UBE2QL1: variants seen among roughly 807,000 people sequenced by gnomAD.
UBE2QL1 encodes the protein ubiquitin-conjugating enzyme E2Q-like protein 1.
Under a neutral mutation model 12.6 loss-of-function variants are expected in UBE2QL1, and 5 were observed. The ratio of observed to expected loss-of-function variants is 0.40; its 90% CI spans 0.21 to 0.83. The LOEUF (loss-of-function observed/expected upper bound fraction) is 0.83, where lower values mean the gene tolerates loss of function less well. Among genes scored for constraint, UBE2QL1 ranks in the 40% least tolerant of loss-of-function variants. The pLI is 0.37. For synonymous variants in UBE2QL1, 96 were observed against 94.5 expected (o/e 1.02, Z -0.10); for missense variants, 99 against 222.6 (o/e 0.44, Z 3.53).
At chr5:6,488,489 G>T (rs1734506551) in intron 1 of UBE2QL1, among the ~76,000 whole-genome samples, 1 of 151,610 alleles carries the variant, frequency 6.6e-6, no homozygotes, top group African/African-American at 2.4e-5. Context: ...CTTGATATTT[G>T]CTGTCACTTG....
rs190284270 is a variant in UBE2QL1 at position 6,494,116 on chromosome 5, A to T, written c.*2767A>T. On this transcript the variant is annotated 3_prime_UTR_variant, in exon 2 of 2. Coordinates refer to ENST00000399816, the MANE Select transcript of UBE2QL1 (RefSeq NM_001145161.3). ...CAAACAAACAGAAAATCACAAACCCATCTGTCCTCTTCTCAATGCAGAACT... is the reference window on the plus strand; with the variant it reads ...CAAACAAACAGAAAATCACAAACCCTTCTGTCCTCTTCTCAATGCAGAACT... The T allele has an allele frequency of 1.5e-4, 23 of 152,218 alleles. No individual in the cohort carries two copies. Among genetic ancestry groups the T allele is most frequent in the African/African-American group, 5.5e-4 (23 of 41,524 alleles). The allele number at this position is 152,218 out of a possible 1,614,324, so 9.4% of individuals were successfully genotyped here.
At chr5:6,457,372 A>G (rs1456403808) in intron 1 of UBE2QL1, among the ~76,000 whole-genome samples, 1 of 152,098 alleles carries the variant, frequency 6.6e-6, no homozygotes, top group Non-Finnish European at 1.5e-5. Flanking sequence ...ACTGCAGAGG[A>G]GGAAGCTCGG....
In UBE2QL1 at chr5:6,456,585, C is replaced by T. The variant is rs188211416; in HGVS notation, c.354+7338C>T. ...AGGTTTAATTGTTCAGTTATTTTCT[C>T]ATTGTTACACACATCATTCATTCAT... On this transcript the variant is annotated intron_variant, in intron 1 of 1. Transcript: ENST00000399816. Among the ~76,000 whole-genome samples the T allele has an allele frequency of 2.0e-5, 3 of 152,300 alleles. No homozygotes were observed. In the East Asian group the frequency reaches 5.8e-4, roughly 29 times the overall value.
At chr5:6,462,415 A>C (rs1001493818) in intron 1 of UBE2QL1, among the ~76,000 whole-genome samples, 1 of 152,130 alleles carries the variant, frequency 6.6e-6, no homozygotes. Flanking sequence ...CAACAGAGGG[A>C]TCCTGGACTG....
In UBE2QL1 at chr5:6,478,160, A is replaced by G. The variant is rs1215209509; in HGVS notation, c.355-13058A>G. 6.6e-6 allele frequency among the ~76,000 whole-genome samples: 1 copy of G among 152,264 alleles called. No individual in the cohort carries two copies. On this transcript the variant is annotated intron_variant, in intron 1 of 1. Coordinates refer to ENST00000399816, the MANE Select transcript of UBE2QL1 (RefSeq NM_001145161.3). The surrounding 1 kb of genome is among the most constrained non-coding windows in gnomAD (Gnocchi z 4.5). ...TATCTTTTATAGAGTTTGTGCCCAGATCATATTTTCACACGGAAATTTTAC... is the reference window on the plus strand; with the variant it reads ...TATCTTTTATAGAGTTTGTGCCCAGGTCATATTTTCACACGGAAATTTTAC...
chr5:6,468,815 G>A (rs1442067758), intron 1 of UBE2QL1, among the ~76,000 whole-genome samples: 1 of 152,162 alleles, frequency 6.6e-6, no homozygotes, highest in African/African-American at 2.4e-5. Context: ...GTGCTTGTTT[G>A]GGGGATACAC....
intron 1 of UBE2QL1, among the ~76,000 whole-genome samples, chr5:6,488,245 T>C (rs1242373582): frequency 2.6e-5 from 4 of 152,230 alleles, no homozygotes; most frequent in South Asian, 4.1e-4. Context: ...GGTCTGTTCC[T>C]CTGGGGTTTT....
intron 1 of UBE2QL1, among the ~76,000 whole-genome samples, chr5:6,469,283 C>T (rs1201569573): frequency 6.6e-6 from 1 of 152,112 alleles, no homozygotes; most frequent in Non-Finnish European, 1.5e-5. Context: ...CAATCCATTC[C>T]AGATGCTTCA....
At chr5:6,451,217 A>T (rs1001239943) in intron 1 of UBE2QL1, among the ~76,000 whole-genome samples, 2 of 148,838 alleles carry the variant, frequency 1.3e-5, no homozygotes, top group African/African-American at 5.0e-5. Context: ...GAAAGATGCG[A>T]GAAAACAAAG....
chr5:6,487,571 G>T (rs1237205941), intron 1 of UBE2QL1, among the ~76,000 whole-genome samples: 1 of 149,642 alleles, frequency 6.7e-6, no homozygotes, highest in Non-Finnish European at 1.5e-5. Context: ...AGATATTTTA[G>T]AAGAAATGAG....
intron 1 of UBE2QL1, among the ~76,000 whole-genome samples, chr5:6,463,485 G>A (rs1204846850): frequency 6.6e-6 from 1 of 151,922 alleles, no homozygotes; most frequent in Non-Finnish European, 1.5e-5. Flanking sequence ...GACTGCAAAC[G>A]CCCTTGATTT....
chr5:6,495,652 T>C lies in UBE2QL1; in HGVS notation c.*4303T>C, dbSNP rs1734654308. On this transcript the variant is annotated 3_prime_UTR_variant, in exon 2 of 2. Coordinates refer to ENST00000399816, the MANE Select transcript of UBE2QL1 (RefSeq NM_001145161.3). The stretch of plus-strand genomic sequence containing the variant: ...AGCTGAGAAACACCCACAGGATCCA[T>C]TCTGTGCCCAAAGCAAATTGGAGCA... Among the ~76,000 whole-genome samples, 1 of 152,180 alleles carries C rather than the reference T, an allele frequency of 6.6e-6. No individual in the cohort carries two copies. The highest frequency in any genetic ancestry group is 1.5e-5 in the Non-Finnish European group (1 of 68,030).
chr5:6,467,155 G>A (rs568802275), intron 1 of UBE2QL1, among the ~76,000 whole-genome samples: 52 of 151,960 alleles, frequency 3.4e-4, no homozygotes, highest in South Asian at 1.3e-3. Context: ...CAATCTCTCT[G>A]TCTCTCTCTG....
At chr5:6,475,454 C>T in intron 1 of UBE2QL1, among the ~76,000 whole-genome samples, 1 of 152,130 alleles carries the variant, frequency 6.6e-6, no homozygotes, top group South Asian at 2.1e-4. Flanking sequence ...TATCTTTGTC[C>T]CCTATTTCCT....
intron 1 of UBE2QL1, among the ~76,000 whole-genome samples, chr5:6,451,883 A>G (rs180967307): frequency 6.6e-6 from 1 of 152,346 alleles, no homozygotes; most frequent in Non-Finnish European, 1.5e-5. Flanking sequence ...AGTTAGAGGT[A>G]ATATGCTTTG....
Position 6,491,451 on chromosome 5 carries a change from C to A in UBE2QL1, c.*102C>A, listed in dbSNP as rs1734568317. 7.2e-7 allele frequency: 1 copy of A among 1,396,418 alleles called. No homozygotes were observed. Among genetic ancestry groups the A allele is most frequent in the Non-Finnish European group, 9.4e-7 (1 of 1,062,022 alleles). The allele number at this position is 1,396,418 out of a possible 1,614,324, so 86.5% of individuals were successfully genotyped here. On this transcript the variant is annotated 3_prime_UTR_variant, in exon 2 of 2. Transcript: ENST00000399816. Reference sequence around the variant, plus strand: ...CATCCTCCACCCGTTTTTACTCCAGCCAGAACTGCATCCTGAATGCCCAGG... The same window carrying A: ...CATCCTCCACCCGTTTTTACTCCAGACAGAACTGCATCCTGAATGCCCAGG...
Position 6,478,689 on chromosome 5 carries a change from A to G in UBE2QL1, c.355-12529A>G, listed in dbSNP as rs1213916239. Among the ~76,000 whole-genome samples the G allele has an allele frequency of 6.6e-6, 1 of 150,982 alleles. No individual in the cohort carries two copies. The highest frequency in any genetic ancestry group is 1.5e-5 in the Non-Finnish European group (1 of 67,846). The stretch of plus-strand genomic sequence containing the variant: ...ATCTGTGCTGAGAGAACTGTTCCGC[A>G]GCAAGGCTGGGCCATAGCAGTTGTG... On this transcript the variant is annotated intron_variant, in intron 1 of 1. Transcript: ENST00000399816. This position sits in a 1 kb window ranked among gnomAD's most constrained non-coding sequence, Gnocchi z 4.5.
intron 1 of UBE2QL1, among the ~76,000 whole-genome samples, chr5:6,468,082 A>G (rs1560931588): frequency 6.6e-6 from 1 of 151,462 alleles, no homozygotes; most frequent in South Asian, 2.1e-4. Context: ...GGATGACACT[A>G]TTTTTTGTCT....
intron 1 of UBE2QL1, among the ~76,000 whole-genome samples, chr5:6,456,514 A>AATGGCAGAAATGTTTCCG (rs1560927642): frequency 2.0e-5 from 3 of 152,042 alleles, no homozygotes; most frequent in Non-Finnish European, 4.4e-5. Context: ...AAATGTTTCC[A>AATGGCAGAAATGTTTCCG]GTAATGTCTA....
Sources: gnomAD v4.1 joint callset for allele counts (sites outside exome capture counted in the v4.1 genomes callset) on GRCh38, gnomAD v4.1.1 for gene constraint, Gnocchi (gnomAD v3.1) non-coding constraint, MANE v1.5 for transcripts, NCBI Gene and HGNC (gene_info 2026-07-23, HGNC 2026-07-21) for gene names.